The following DNAAF4 variants were observed in gnomAD, a reference collection of about 807,000 sequenced individuals.
DNAAF4 encodes dynein axonemal assembly factor 4, also known as dynein assembly factor 4, axonemal.
Under a neutral mutation model 51.8 loss-of-function variants are expected in DNAAF4, and 43 were observed. The ratio of observed to expected loss-of-function variants is 0.83; its 90% CI spans 0.65 to 1.07. The LOEUF (loss-of-function observed/expected upper bound fraction) is 1.07, where lower values mean the gene tolerates loss of function less well. DNAAF4 is among the 50% of genes least tolerant of loss of function. The probability of loss-of-function intolerance (pLI) is 0.00; values close to 1 mark genes in which losing one functional copy is unlikely to be tolerated. For synonymous variants in DNAAF4, 194 were observed against 165.6 expected (o/e 1.17, Z -1.32); for missense variants, 581 against 493.0 (o/e 1.18, Z -1.69).
At chr15:55,447,508 C>T (rs2057852610) in intron 6 of DNAAF4, among the ~76,000 whole-genome samples, 1 of 151,636 alleles carries the variant, frequency 6.6e-6, no homozygotes, top group African/African-American at 2.4e-5. Flanking sequence ...GTGAGCAAGA[C>T]TCCATCTGCA....
rs200097648 is a variant in DNAAF4 at position 55,465,389 on chromosome 15, T to TACACACAC, written c.637+1540_637+1541insGTGTGTGT. Reference sequence around the variant, plus strand: ...GAGAAGATAAAGAAAATATGGTGTATATATACACACACACACACACACACA... The same window carrying TACACACAC: ...GAGAAGATAAAGAAAATATGGTGTATACACACACATATACACACACACACACACACACA... On this transcript the variant is annotated intron_variant, in intron 5 of 9. Coordinates refer to ENST00000321149, the MANE Select transcript of DNAAF4 (RefSeq NM_130810.4). Among the ~76,000 whole-genome samples, 1,274 of 128,494 alleles carry TACACACAC rather than the reference T, an allele frequency of 9.9e-3. 10 individuals are homozygous for TACACACAC. The highest frequency in any genetic ancestry group is 0.053 in the Middle Eastern group (15 of 284). The allele number at this position is 128,494 out of a possible 152,430, so 84.3% of individuals were successfully genotyped here.
chr15:55,484,529 T>C (rs11858302), intron 4 of DNAAF4, among the ~76,000 whole-genome samples: 38,327 of 151,586 alleles, frequency 0.25, 5,767 homozygotes, highest in Non-Finnish European at 0.35. Context: ...CCATATGATC[T>C]GCTATATCCA....
chr15:55,487,298 G>T (rs1433510995), intron 4 of DNAAF4, among the ~76,000 whole-genome samples: 1 of 152,180 alleles, frequency 6.6e-6, no homozygotes. Flanking sequence ...CTAAAGGATT[G>T]TAAACGCGCC....
intron 1 of DNAAF4, among the ~76,000 whole-genome samples, chr15:55,505,133 A>C (rs539688721): frequency 1.4e-4 from 21 of 152,240 alleles, no homozygotes; most frequent in Non-Finnish European, 2.8e-4. Flanking sequence ...TTCTCAAAAG[A>C]AGACATTTAT....
In DNAAF4 at chr15:55,498,379, C is replaced by T; in HGVS notation, c.-50G>A. On this transcript the variant is annotated 5_prime_UTR_variant, in exon 2 of 10. Coordinates refer to ENST00000321149, the MANE Select transcript of DNAAF4 (RefSeq NM_130810.4). ...CGCGGCTGGTTGCTTCTTGCGCCTGCTTGGTTGCTAGGGAAGCTGGGGTTA... is the reference window on the plus strand; with the variant it reads ...CGCGGCTGGTTGCTTCTTGCGCCTGTTTGGTTGCTAGGGAAGCTGGGGTTA... 1.3e-6 allele frequency: 2 copies of T among 1,578,692 alleles called. No individual in the cohort carries two copies. The highest frequency in any genetic ancestry group is 1.7e-6 in the Non-Finnish European group (2 of 1,158,800).
chr15:55,506,952 C>T (rs534013020), intron 1 of DNAAF4, among the ~76,000 whole-genome samples: 2 of 152,048 alleles, frequency 1.3e-5, no homozygotes, highest in Admixed American at 6.5e-5. Context: ...CAGGTTCAAG[C>T]GATTCTCCTG....
intron 1 of DNAAF4, among the ~76,000 whole-genome samples, chr15:55,502,082 C>T (rs1207824634): frequency 6.6e-6 from 1 of 151,710 alleles, no homozygotes; most frequent in African/African-American, 2.4e-5. Flanking sequence ...CACCAAAAGG[C>T]ATAATAAAGA....
chr15:55,469,474 C>CTTT (rs1162485238), intron 4 of DNAAF4, among the ~76,000 whole-genome samples: 34,932 of 66,180 alleles, frequency 0.53, 16,197 homozygotes, highest in East Asian at 0.75. Flanking sequence ...CTTACCAATT[C>CTTT]TTTTTTTTTT....
chr15:55,492,462 G>A (rs146044646), intron 3 of DNAAF4, among the ~76,000 whole-genome samples: 1 of 152,072 alleles, frequency 6.6e-6, no homozygotes, highest in East Asian at 1.9e-4. Context: ...GTTTTAAAAT[G>A]TATGAAATAA....
At chr15:55,508,008 G>A (rs777379354) in intron 1 of DNAAF4, 114 bp downstream of exon 1, 5 of 152,158 alleles carry the variant, frequency 3.3e-5, no homozygotes, top group Non-Finnish European at 5.9e-5. Context: ...AGTTCTGGAA[G>A]TGGGGCACAG....
chr15:55,465,391 T>TACACACACACAC (rs1225166580), intron 5 of DNAAF4, among the ~76,000 whole-genome samples: 16 of 147,942 alleles, frequency 1.1e-4, no homozygotes, highest in African/African-American at 3.3e-4. Context: ...ATGGTGTATA[T>TACACACACACAC]ATACACACAC....
chr15:55,430,842 GA>G, intron 9 of DNAAF4, 63 bp from the exon 10 acceptor site: 1 of 1,282,086 alleles, frequency 7.8e-7, no homozygotes, highest in South Asian at 1.3e-5. Context: ...CTTTTATCTA[GA>G]CAATAGTTGT....
downstream of DNAAF4, among the ~76,000 whole-genome samples, chr15:55,427,826 G>A (rs1444283474): frequency 6.6e-6 from 1 of 151,634 alleles, no homozygotes; most frequent in African/African-American, 2.4e-5. Context: ...GTACAGACAG[G>A]GTGTCTCCAT....
intron 4 of DNAAF4, among the ~76,000 whole-genome samples, chr15:55,470,527 C>T (rs1252953468): frequency 6.6e-6 from 1 of 150,664 alleles, no homozygotes; most frequent in Non-Finnish European, 1.5e-5. Context: ...GAGGTTTTAT[C>T]TAGCAGGCAT....
At chr15:55,434,800 C>T (rs1235607186) in intron 8 of DNAAF4, 105 bp downstream of exon 8, 9 of 974,166 alleles carry the variant, frequency 9.2e-6, no homozygotes, top group Non-Finnish European at 1.3e-5. Flanking sequence ...TCTTTAAAAT[C>T]TTTGCATCTC....
intron 5 of DNAAF4, among the ~76,000 whole-genome samples, chr15:55,465,380 T>C (rs948666540): frequency 1.7e-5 from 2 of 117,080 alleles, no homozygotes; most frequent in African/African-American, 6.8e-5. Context: ...ATAAAGAAAA[T>C]ATGGTGTATA....
rs577172056 is a variant in DNAAF4 at position 55,483,337 on chromosome 15, C to T, written c.405+7786G>A. Among the ~76,000 whole-genome samples the T allele has an allele frequency of 4.6e-5, 7 of 151,648 alleles. No homozygotes were observed. The South Asian group carries it at 1.3e-3, about 27-fold the overall frequency. On this transcript the variant is annotated intron_variant, in intron 4 of 9. Transcript: ENST00000321149. Reference sequence around the variant, plus strand: ...GTCTCAAACTCTTGACCTTGTGATCCGCCCCCCTCAGCCTCCCAAAGTGCT... The same window carrying T: ...GTCTCAAACTCTTGACCTTGTGATCTGCCCCCCTCAGCCTCCCAAAGTGCT...
intron 5 of DNAAF4, among the ~76,000 whole-genome samples, chr15:55,458,856 G>A (rs915437545): frequency 1.3e-5 from 2 of 152,020 alleles, no homozygotes; most frequent in Admixed American, 6.6e-5. Context: ...GGTGGATCAC[G>A]AGGTCAGGAG....
At chr15:55,463,512 G>T (rs1373430592) in intron 5 of DNAAF4, among the ~76,000 whole-genome samples, 1 of 152,080 alleles carries the variant, frequency 6.6e-6, no homozygotes, top group East Asian at 1.9e-4. Context: ...GTTGGCCAAT[G>T]ATATGATCGT....
Sources: gnomAD v4.1 joint callset for allele counts (sites outside exome capture counted in the v4.1 genomes callset) on GRCh38, gnomAD v4.1.1 for gene constraint, MANE v1.5 for transcripts, NCBI Gene and HGNC (gene_info 2026-07-23, HGNC 2026-07-21) for gene names.